Variants in SDC1 observed in about 807,000 individuals in gnomAD.
SDC1 encodes syndecan 1.
SDC1 carries 14 observed loss-of-function variants against 29.7 expected under a neutral mutation model. The ratio of observed to expected loss-of-function variants is 0.47; its 90% CI spans 0.31 to 0.74. The LOEUF (loss-of-function observed/expected upper bound fraction) is 0.74. Among genes scored for constraint, SDC1 ranks in the 30% least tolerant of loss-of-function variants. SDC1 has a pLI of 0.05. For synonymous variants in SDC1, 204 were observed against 175.5 expected, an observed-to-expected ratio of 1.16 and a Z score of -1.29; for missense variants, 406 against 400.3, an observed-to-expected ratio of 1.01 and a Z score of -0.12.
At position 20,224,542 on chromosome 2, in the gene SDC1, G is replaced by A. The variant is rs1477238891; in HGVS notation, c.66+260C>T. On this transcript the variant is annotated intron_variant, in intron 1 of 4. Coordinates refer to ENST00000254351, the MANE Select transcript of SDC1 (RefSeq NM_002997.5). The surrounding 1 kb of genome is among the most constrained non-coding windows in gnomAD (Gnocchi z 4.9). ...GGGCTGGCGGGCTCCGACAGATGTGGAGACGTTTTACATAATTGAGCGCGG... is the reference window on the plus strand; with the variant it reads ...GGGCTGGCGGGCTCCGACAGATGTGAAGACGTTTTACATAATTGAGCGCGG... 6.6e-6 allele frequency among the ~76,000 whole-genome samples: 1 copy of A among 151,660 alleles called. No individual in the cohort carries two copies. Among genetic ancestry groups the A allele is most frequent in the African/African-American group, 2.4e-5 (1 of 41,342 alleles).
At chr2:20,222,571 T>A (rs1027564309) in intron 1 of SDC1, among the ~76,000 whole-genome samples, 1 of 152,110 alleles carries the variant, frequency 6.6e-6, no homozygotes, top group African/African-American at 2.4e-5. Flanking sequence ...CTCAAGCACC[T>A]CCTCCAGGAA....
rs1677004908 is a variant in SDC1, at chr2:20,201,433, A to G, written c.*1333T>C. 2 of 152,528 alleles carry G rather than the reference A, an allele frequency of 1.3e-5. No individual in the cohort carries two copies. Among genetic ancestry groups the G allele is most frequent in the Admixed American group, 1.3e-4 (2 of 15,290 alleles). 9.4% of individuals were successfully genotyped at this position (152,528 alleles called of 1,614,324 possible). ...TTCCCAACATGTTGGTGTTTGCAGA[A>G]AAGTCCGGTCACGTCACACACAGCA... On this transcript the variant is annotated 3_prime_UTR_variant, in exon 5 of 5. Coordinates refer to ENST00000254351, the MANE Select transcript of SDC1 (RefSeq NM_002997.5).
intron 1 of SDC1, among the ~76,000 whole-genome samples, chr2:20,214,074 T>A (rs1247141118): frequency 6.6e-6 from 1 of 151,850 alleles, no homozygotes; most frequent in East Asian, 1.9e-4. Flanking sequence ...CCACTGCGGG[T>A]AGGTGGGAGC....
chr2:20,205,525 G>GTAC, intron 1 of SDC1, 101 bp from the exon 2 acceptor site: 1 of 909,132 alleles, frequency 1.1e-6, no homozygotes, highest in Non-Finnish European at 1.8e-6. Flanking sequence ...CCTACCCTGT[G>GTAC]CTGCACAGGT....
chr2:20,208,355 A>G (rs1291796903), intron 1 of SDC1, among the ~76,000 whole-genome samples: 1 of 152,174 alleles, frequency 6.6e-6, no homozygotes, highest in South Asian at 2.1e-4. Flanking sequence ...TGTTTACACA[A>G]CAAGCTCTTA....
intron 1 of SDC1, among the ~76,000 whole-genome samples, chr2:20,215,451 G>C (rs1677598772): frequency 6.6e-6 from 1 of 152,254 alleles, no homozygotes; most frequent in Non-Finnish European, 1.5e-5. Context: ...TTTCTGAGAA[G>C]GGCAAAAGCC....
intron 1 of SDC1, among the ~76,000 whole-genome samples, chr2:20,218,826 CACACACAG>C (rs1677720830): frequency 6.6e-6 from 1 of 151,852 alleles, no homozygotes; most frequent in African/African-American, 2.4e-5. Flanking sequence ...CAGACACACA[CACACACAG>C]ACACACACAC....
intron 1 of SDC1, among the ~76,000 whole-genome samples, chr2:20,215,890 AC>A (rs142459693): frequency 0.31 from 47,079 of 152,012 alleles, 7,459 homozygotes; most frequent in Middle Eastern, 0.38. Context: ...TCTCGGTCCC[AC>A]CTCAGCTGTG....
chr2:20,214,573 GCTC>G (rs1371621353), intron 1 of SDC1, among the ~76,000 whole-genome samples: 1 of 152,190 alleles, frequency 6.6e-6, no homozygotes, highest in Admixed American at 6.5e-5. Flanking sequence ...CCAGCACAGA[GCTC>G]CTAGCCCTCT....
chr2:20,207,958 T>A (rs1677333506), intron 1 of SDC1: 2 of 985,242 alleles, frequency 2.0e-6, no homozygotes, highest in Non-Finnish European at 2.4e-6. Context: ...ATCCAAGGAC[T>A]CTGCCCTGCC....
Position 20,202,722 on chromosome 2 carries a change from G to A in SDC1, c.*44C>T, listed in dbSNP as rs372428599. On this transcript the variant is annotated 3_prime_UTR_variant, in exon 5 of 5. Coordinates refer to ENST00000254351, the MANE Select transcript of SDC1 (RefSeq NM_002997.5). ...AGTTCTTCAAGGAAGAGGCAAGTGG[G>A]GGCCTAGTGAGTGGCAGGGCGGAGG... The A allele has an allele frequency of 2.5e-5, 39 of 1,532,862 alleles. No individual in the cohort carries two copies. Among genetic ancestry groups the A allele is most frequent in the African/African-American group, 6.9e-5 (5 of 72,536 alleles). The allele number at this position is 1,532,862 out of a possible 1,614,324, so 95.0% of individuals were successfully genotyped here.
At chr2:20,212,484 AAC>A (rs978359313) in intron 1 of SDC1, among the ~76,000 whole-genome samples, 1 of 152,196 alleles carries the variant, frequency 6.6e-6, no homozygotes, top group Non-Finnish European at 1.5e-5. Context: ...GAGCCGGGAA[AAC>A]ACAGCCCGCC....
At chr2:20,210,574 C>A (rs1677433932) in intron 1 of SDC1, among the ~76,000 whole-genome samples, 1 of 152,208 alleles carries the variant, frequency 6.6e-6, no homozygotes, top group South Asian at 2.1e-4. Context: ...CGTGGTGGAG[C>A]AGGAAAGGGA....
chr2:20,204,430 A>G (rs1572460514), intron 2 of SDC1, 139 bp from the exon 3 acceptor site: 2 of 662,420 alleles, frequency 3.0e-6, no homozygotes, highest in East Asian at 5.0e-5. Context: ...TAGTACCTGG[A>G]CAAGGCAGCT....
Position 20,205,546 on chromosome 2 carries a change from A to C in SDC1, c.67-122T>G, listed in dbSNP as rs145680040. 4,663 of 749,700 alleles carry C rather than the reference A, an allele frequency of 6.2e-3. 28 individuals are homozygous for C. Among genetic ancestry groups the C allele is most frequent in the Non-Finnish European group, 7.5e-3 (3,363 of 445,798 alleles). 46.4% of individuals were successfully genotyped at this position (749,700 alleles called of 1,614,324 possible). On this transcript the variant is annotated intron_variant, in intron 1 of 4. Coordinates refer to ENST00000254351, the MANE Select transcript of SDC1 (RefSeq NM_002997.5). ...CTGTGCTGCACAGGTACACAGGGAG[A>C]AGCCTTCTCATGTGGCTCCAGGACC...
chr2:20,224,948 T>C lies in SDC1; in HGVS notation c.-81A>G, dbSNP rs1438015845. On this transcript the variant is annotated 5_prime_UTR_variant, in exon 1 of 5. Transcript: ENST00000254351. This position sits in a 1 kb window ranked among gnomAD's most constrained non-coding sequence, Gnocchi z 4.9. Reference sequence around the variant, plus strand: ...CGGCTTCGCGGGTTCCGCTGCTCGATGCTCTCTTGGGCGCCTGCCCAGCGC... The same window carrying C: ...CGGCTTCGCGGGTTCCGCTGCTCGACGCTCTCTTGGGCGCCTGCCCAGCGC... 1 of 1,194,954 alleles carries C rather than the reference T, an allele frequency of 8.4e-7. No individual in the cohort carries two copies. Among genetic ancestry groups the C allele is most frequent in the Non-Finnish European group, 1.0e-6 (1 of 964,390 alleles). 74.0% of individuals were successfully genotyped at this position (1,194,954 alleles called of 1,614,324 possible). A position where few individuals can be genotyped will look rare whatever the true frequency, so the allele number is the denominator to read the frequency against.
Position 20,204,014 on chromosome 2 carries a change from G to A in SDC1, c.426C>T (p.Ala142=), listed in dbSNP as rs1444521454. Residue 142 remains alanine (A), a synonymous_variant, in exon 3 of 5, where the codon GCC becomes GCT. Coordinates refer to ENST00000254351, the MANE Select transcript of SDC1 (RefSeq NM_002997.5). ...PTTHLASTTT[A]TTAQEPATSH... is the part of the protein sequence containing the mutation. ...AGGTGGCGGGCTCCTGGGCCGTGGT[G>A]GCTGTGGTCGTTGAGGCCAGATGAG... 1.2e-6 allele frequency: 2 copies of A among 1,613,336 alleles called. No individual in the cohort carries two copies. Among genetic ancestry groups the A allele is most frequent in the African/African-American group, 1.3e-5 (1 of 74,904 alleles).
In SDC1 at chr2:20,224,961, G is replaced by A; in HGVS notation, c.-94C>T. ...TCCGCTGCTCGATGCTCTCTTGGGC[G>A]CCTGCCCAGCGCGCCGCTGTCCCAG... On this transcript the variant is annotated 5_prime_UTR_variant, in exon 1 of 5. Transcript: ENST00000254351. The surrounding 1 kb of genome is among the most constrained non-coding windows in gnomAD (Gnocchi z 4.9). 8.4e-7 allele frequency: 1 copy of A among 1,184,638 alleles called. No individual in the cohort carries two copies. Among genetic ancestry groups the A allele is most frequent in the South Asian group, 4.3e-5 (1 of 23,460 alleles). 73.4% of individuals were successfully genotyped at this position (1,184,638 alleles called of 1,614,324 possible). A position where few individuals can be genotyped will look rare whatever the true frequency, so the allele number is the denominator to read the frequency against.
chr2:20,207,757 C>A (rs1458043574), intron 1 of SDC1, among the ~76,000 whole-genome samples: 2 of 152,186 alleles, frequency 1.3e-5, no homozygotes, highest in East Asian at 3.8e-4. Context: ...CCCCCCGCCT[C>A]CACACAAGGC....
Sources: allele counts gnomAD v4.1 joint callset (sites outside exome capture counted in the v4.1 genomes callset), GRCh38; gene constraint gnomAD v4.1.1; non-coding constraint Gnocchi (gnomAD v3.1); transcripts MANE v1.5; gene names NCBI Gene and HGNC (gene_info 2026-07-23, HGNC 2026-07-21).